The following GXYLT2 variants were observed in gnomAD, a reference collection of about 807,000 sequenced individuals.
GXYLT2 encodes glycosyltransferase 8 domain containing 4.
GXYLT2 carries 53 observed loss-of-function variants against 45.8 expected under a neutral mutation model. The ratio of observed to expected loss-of-function variants is 1.16; its 90% CI spans 0.93 to 1.46. The LOEUF (loss-of-function observed/expected upper bound fraction) is 1.46. Among genes scored for constraint, GXYLT2 ranks in the 40% most tolerant of loss-of-function variants. The pLI is 0.00. For synonymous variants in GXYLT2, 219 were observed against 214.2 expected (o/e 1.02, Z -0.19); for missense variants, 551 against 544.4 (o/e 1.01, Z -0.12).
At chr3:72,950,530 C>T (rs1234991765) in intron 3 of GXYLT2, among the ~76,000 whole-genome samples, 2 of 151,846 alleles carry the variant, frequency 1.3e-5, no homozygotes, top group Admixed American at 6.6e-5. Flanking sequence ...ACACAGGAGG[C>T]TGATATGAGA....
chr3:72,906,131 A>G (rs1181844584), intron 1 of GXYLT2, among the ~76,000 whole-genome samples: 2 of 152,214 alleles, frequency 1.3e-5, no homozygotes, highest in East Asian at 3.8e-4. Flanking sequence ...TATCTTTAAC[A>G]TCTCCACATC....
chr3:72,972,959 T>TCA (rs1250128934), intron 6 of GXYLT2, among the ~76,000 whole-genome samples: 1 of 151,804 alleles, frequency 6.6e-6, no homozygotes, highest in Non-Finnish European at 1.5e-5. Context: ...CAACTGGGCG[T>TCA]CATGGCAAGT....
intron 2 of GXYLT2, among the ~76,000 whole-genome samples, chr3:72,921,841 A>G (rs930293481): frequency 6.6e-5 from 10 of 152,108 alleles, no homozygotes; most frequent in Non-Finnish European, 1.3e-4. Flanking sequence ...TTCCTCTTCC[A>G]AGCTGCAAAG....
chr3:72,969,135 A>G (rs1710934853), intron 6 of GXYLT2, among the ~76,000 whole-genome samples: 1 of 151,948 alleles, frequency 6.6e-6, no homozygotes, highest in South Asian at 2.1e-4. Flanking sequence ...AAGAGAGGAG[A>G]AAATAGGGTG....
Position 72,975,966 on chromosome 3 carries a change from C to G in GXYLT2, c.*807C>G, listed in dbSNP as rs1285477026. On this transcript the variant is annotated 3_prime_UTR_variant, in exon 7 of 7. Transcript: ENST00000389617. Reference sequence around the variant, plus strand: ...TTTTTTTTTGAGACGGAATCTCACTCTGTAGCCCAGGCTAGAATGCAGTGG... The same window carrying G: ...TTTTTTTTTGAGACGGAATCTCACTGTGTAGCCCAGGCTAGAATGCAGTGG... 3.1e-5 allele frequency: 4 copies of G among 131,006 alleles called. No individual in the cohort carries two copies. The highest frequency in any genetic ancestry group is 9.0e-5 in the African/African-American group (3 of 33,336). 8.1% of individuals were successfully genotyped at this position (131,006 alleles called of 1,614,324 possible).
intron 5 of GXYLT2, among the ~76,000 whole-genome samples, chr3:72,963,148 CTAAAAAATAAAAATACA>C (rs920481622): frequency 7.9e-5 from 12 of 151,554 alleles, no homozygotes; most frequent in African/African-American, 1.7e-4. Context: ...CCCATCTCTA[CTAAAAAATAAAAATACA>C]TAAAAAATAA....
At chr3:72,943,547 T>C (rs999952927) in intron 3 of GXYLT2, among the ~76,000 whole-genome samples, 2 of 130,746 alleles carry the variant, frequency 1.5e-5, no homozygotes, top group African/African-American at 5.5e-5. Flanking sequence ...TGGCTAACTT[T>C]TTATTTTTTT....
intron 2 of GXYLT2, among the ~76,000 whole-genome samples, chr3:72,913,379 G>A (rs1399288497): frequency 6.6e-6 from 1 of 151,390 alleles, no homozygotes; most frequent in African/African-American, 2.4e-5. Context: ...ATCTAATGAA[G>A]GAAATTATGA....
At position 72,955,302 on chromosome 3, in the gene GXYLT2, G is replaced by A; in HGVS notation, c.805G>A (p.Gly269Arg). 2 of 1,613,940 alleles carry A rather than the reference G, an allele frequency of 1.2e-6. No individual in the cohort carries two copies. Among genetic ancestry groups the A allele is most frequent in the Non-Finnish European group, 8.5e-7 (1 of 1,179,838 alleles). ...PFYGSAGVNS[G>R]VMLMNLTRIR... ...CTATGGCTCTGCAGGAGTTAATTCA[G>A]GAGTCATGTTAATGAATTTAACTCG... The change falls in exon 4 of 7, where the codon GGA becomes AGA. Residue 269 changes from glycine to arginine, a missense_variant. By Grantham distance (125) the Gly-to-Arg change is moderately radical (BLOSUM62 -2). Coordinates refer to ENST00000389617, the MANE Select transcript of GXYLT2 (RefSeq NM_001080393.2).
chr3:72,946,012 C>T (rs1429189747), intron 3 of GXYLT2, among the ~76,000 whole-genome samples: 1 of 152,060 alleles, frequency 6.6e-6, no homozygotes, highest in African/African-American at 2.4e-5. Flanking sequence ...TGTGGTGGCT[C>T]ACACCTGTAA....
chr3:72,956,093 C>T (rs1054150325), intron 4 of GXYLT2, among the ~76,000 whole-genome samples: 1 of 152,026 alleles, frequency 6.6e-6, no homozygotes, highest in African/African-American at 2.4e-5. Flanking sequence ...TTAGAAATTT[C>T]CAGAAGAATT....
intron 1 of GXYLT2, among the ~76,000 whole-genome samples, chr3:72,893,706 A>T (rs1709227282): frequency 6.6e-6 from 1 of 152,208 alleles, no homozygotes; most frequent in Non-Finnish European, 1.5e-5. Flanking sequence ...TTATAGTATT[A>T]AGTTCCTTAT....
Position 72,975,154 on chromosome 3 carries a change from C to A in GXYLT2, c.1327C>A (p.His443Asn). 6.2e-7 allele frequency: 1 copy of A among 1,609,494 alleles called. No homozygotes were observed. Among genetic ancestry groups the A allele is most frequent in the Non-Finnish European group, 8.5e-7 (1 of 1,177,170 alleles). Residue 443 changes from histidine (H) to asparagine (N), a missense_variant, in exon 7 of 7, where the codon CAC (histidine) becomes AAC (asparagine). Physicochemically the swap from His to Asn is moderately conservative, Grantham distance 68. Transcript: ENST00000389617. ...VIIHVGPNQMH is the reference protein window; with the variant it reads ...VIIHVGPNQMN Reference sequence around the variant, plus strand: ...CATCCATGTTGGCCCCAACCAGATGCACTGAATATTTTGTCTTGTTGCAAG... The same window carrying A: ...CATCCATGTTGGCCCCAACCAGATGAACTGAATATTTTGTCTTGTTGCAAG...
chr3:72,961,125 G>T (rs1282635150), intron 5 of GXYLT2, among the ~76,000 whole-genome samples: 1 of 152,146 alleles, frequency 6.6e-6, no homozygotes, highest in African/African-American at 2.4e-5. Flanking sequence ...AAACGCGTGG[G>T]GGCTTTCAGG....
intron 1 of GXYLT2, among the ~76,000 whole-genome samples, chr3:72,905,708 G>A (rs1709498031): frequency 6.6e-6 from 1 of 152,138 alleles, no homozygotes; most frequent in South Asian, 2.1e-4. Context: ...TTGCCAAATG[G>A]CTCTCCAAAG....
At chr3:72,906,303 G>T (rs1394497419) in intron 1 of GXYLT2, among the ~76,000 whole-genome samples, 1 of 152,044 alleles carries the variant, frequency 6.6e-6, no homozygotes, top group Non-Finnish European at 1.5e-5. Flanking sequence ...CCTCTGCGTG[G>T]CATGCTCCTC....
intron 3 of GXYLT2, among the ~76,000 whole-genome samples, chr3:72,940,994 G>A (rs1317222291): frequency 6.6e-6 from 1 of 152,108 alleles, no homozygotes. Context: ...TTTAAAAATA[G>A]TAAACCAGTA....
At chr3:72,906,291 C>T (rs937605825) in intron 1 of GXYLT2, among the ~76,000 whole-genome samples, 1 of 152,082 alleles carries the variant, frequency 6.6e-6, no homozygotes, top group Non-Finnish European at 1.5e-5. Context: ...GTTCTGCTGT[C>T]CCCTCTGCGT....
chr3:72,959,016 C>T (rs1455181485), intron 5 of GXYLT2, among the ~76,000 whole-genome samples: 7 of 148,534 alleles, frequency 4.7e-5, no homozygotes, highest in Non-Finnish European at 8.9e-5. Flanking sequence ...AATTATGGCT[C>T]ACTGTAGCCT....
Sources: gnomAD v4.1 joint callset for allele counts (sites outside exome capture counted in the v4.1 genomes callset) on GRCh38, gnomAD v4.1.1 for gene constraint, MANE v1.5 for transcripts, NCBI Gene and HGNC (gene_info 2026-07-23, HGNC 2026-07-21) for gene names.